Variants in LIPE observed in about 807,000 individuals in gnomAD.
The protein encoded by LIPE is lipase E, hormone sensitive type.
LIPE carries 66 observed loss-of-function variants against 88.5 expected under a neutral mutation model. The ratio of observed to expected loss-of-function variants is 0.75; its 90% CI spans 0.61 to 0.91. LIPE has a LOEUF of 0.91. LIPE is among the 40% of genes least tolerant of loss of function. The probability of loss-of-function intolerance (pLI) is 0.00; values close to 1 mark genes in which losing one functional copy is unlikely to be tolerated. For synonymous variants in LIPE, 570 were observed against 617.5 expected (o/e 0.92, Z 1.14); for missense variants, 1,346 against 1,434.7 (o/e 0.94, Z 1.00).
At chr19:42,420,407 T>A (rs1460556048) in intron 1 of LIPE, among the ~76,000 whole-genome samples, 2 of 152,200 alleles carry the variant, frequency 1.3e-5, no homozygotes, top group African/African-American at 2.4e-5. Flanking sequence ...TTTGTATGCC[T>A]GTGAATGTAT....
At chr19:42,423,529 A>C (rs1600147597) in intron 1 of LIPE, 1 of 1,260,086 alleles carries the variant, frequency 7.9e-7, no homozygotes, top group Non-Finnish European at 1.0e-6. Context: ...TCCCCCGGCC[A>C]ACTCCATCAA....
Position 42,402,847 on chromosome 19 carries a change from G to A in LIPE, c.2727C>T (p.Val909=). Residue 909 remains valine (V), a synonymous_variant, in exon 9 of 10, where the codon GTC becomes GTT. Coordinates refer to ENST00000244289, the MANE Select transcript of LIPE (RefSeq NM_005357.4). ...ETLSPSTPSD[V]NFLLPPEDAG... is the part of the protein sequence containing the mutation. ...CATCCTCAGGTGGTAATAAGAAGTTGACATCGGAGGGTGTGGAGGGGCTAA... is the reference window on the plus strand; with the variant it reads ...CATCCTCAGGTGGTAATAAGAAGTTAACATCGGAGGGTGTGGAGGGGCTAA... 6.2e-7 allele frequency: 1 copy of A among 1,613,816 alleles called. No individual in the cohort carries two copies. The highest frequency in any genetic ancestry group is 8.5e-7 in the Non-Finnish European group (1 of 1,179,868).
chr19:42,409,605 TGCCCTGCACCAAGGCAGAGCTGG>T (rs1267038103), intron 2 of LIPE, among the ~76,000 whole-genome samples: 1 of 152,164 alleles, frequency 6.6e-6, no homozygotes, highest in Non-Finnish European at 1.5e-5. Flanking sequence ...AAGGGGAGAC[TGCCCTGCACCAAGGCAGAGCTGG>T]GCCCTGCCCC....
In LIPE at chr19:42,414,405, T is replaced by G. The variant is rs1354391304; in HGVS notation, c.884-3563A>C. Among the ~76,000 whole-genome samples the G allele has an allele frequency of 6.6e-6, 1 of 152,250 alleles. No individual in the cohort carries two copies. Among genetic ancestry groups the G allele is most frequent in the Non-Finnish European group, 1.5e-5 (1 of 68,048 alleles). ...TGTTTTCCTCATCTGGAAACTGCACTTGGCTGTTCTGCTGGCTCAGGGTGG... is the reference window on the plus strand; with the variant it reads ...TGTTTTCCTCATCTGGAAACTGCACGTGGCTGTTCTGCTGGCTCAGGGTGG... On this transcript the variant is annotated intron_variant, in intron 1 of 9. Transcript: ENST00000244289. The surrounding 1 kb of genome is among the most constrained non-coding windows in gnomAD (Gnocchi z 4.6).
chr19:42,427,128 C>G lies in LIPE; in HGVS notation c.22G>C (p.Val8Leu), dbSNP rs1478429620. ...TCAGGTTGCCAGTCTGACCTAGACACTGACTTAGAACCTGGCTCCATTGTT... is the reference window on the plus strand; with the variant it reads ...TCAGGTTGCCAGTCTGACCTAGACAGTGACTTAGAACCTGGCTCCATTGTT... The part of the protein sequence containing the change: MEPGSKS[V>L]SRSDWQPEPH... Residue 8 changes from valine (V) to leucine (L), a missense_variant, in exon 1 of 10, where the codon GTG (valine) becomes CTG (leucine). Coordinates refer to ENST00000244289, the MANE Select transcript of LIPE (RefSeq NM_005357.4). The G allele has an allele frequency of 2.5e-6, 4 of 1,604,008 alleles. No homozygotes were observed. In the Admixed American group the frequency reaches 7.1e-5, roughly 28 times the overall value.
At position 42,427,236 on chromosome 19, in the gene LIPE, T is replaced by C; in HGVS notation, c.-87A>G. The C allele has an allele frequency of 6.8e-7, 1 of 1,470,882 alleles. No homozygotes were observed. Among genetic ancestry groups the C allele is most frequent in the East Asian group, 2.4e-5 (1 of 41,920 alleles). The allele number at this position is 1,470,882 out of a possible 1,614,324, so 91.1% of individuals were successfully genotyped here. A position where few individuals can be genotyped will look rare whatever the true frequency, so the allele number is the denominator to read the frequency against. On this transcript the variant is annotated 5_prime_UTR_variant, in exon 1 of 10. The change abolishes an upstream ATG in the 5' untranslated region. Coordinates refer to ENST00000244289, the MANE Select transcript of LIPE (RefSeq NM_005357.4). ...GCCCTCTCTCTTCACAGATCTCTCATTGATTCCTCATGATGGCACTTCCTC... is the reference window on the plus strand; with the variant it reads ...GCCCTCTCTCTTCACAGATCTCTCACTGATTCCTCATGATGGCACTTCCTC...
Position 42,406,264 on chromosome 19 carries a change from C to T in LIPE, c.2262G>A (p.Pro754=), listed in dbSNP as rs28657829. Residue 754 remains proline, a synonymous_variant, in exon 7 of 10, where the codon CCG becomes CCA. Coordinates refer to ENST00000244289, the MANE Select transcript of LIPE (RefSeq NM_005357.4). The surrounding 1 kb of genome is among the most constrained non-coding windows in gnomAD (Gnocchi z 5.7). ...RVPDGIMAAY[P]ATMLQPAASP... ...AGGCGGCAGGCTGCAGCATTGTGGCCGGGTAGGCTGCCATGATGCCATCTG... is the reference window on the plus strand; with the variant it reads ...AGGCGGCAGGCTGCAGCATTGTGGCTGGGTAGGCTGCCATGATGCCATCTG... 6,017 of 1,613,794 alleles carry T rather than the reference C, an allele frequency of 3.7e-3. 164 individuals are homozygous for T. The African/African-American group carries it at 0.061, about 16-fold the overall frequency.
intron 1 of LIPE, chr19:42,412,170 C>T: frequency 1.8e-6 from 1 of 568,706 alleles, no homozygotes. Flanking sequence ...ATTCAGGCTG[C>T]CCTGTTTCTT....
intron 1 of LIPE, among the ~76,000 whole-genome samples, chr19:42,418,217 G>A (rs1027841915): frequency 5.3e-5 from 8 of 152,112 alleles, no homozygotes; most frequent in African/African-American, 1.9e-4. Context: ...TCCTGACCTT[G>A]GGTGATTTGC....
chr19:42,422,537 G>A (rs1045360449), intron 1 of LIPE, among the ~76,000 whole-genome samples: 2 of 152,126 alleles, frequency 1.3e-5, no homozygotes, highest in African/African-American at 2.4e-5. Context: ...TGTGTTCTAC[G>A]GCAGGGGAAG....
rs189867588 is a variant in LIPE at position 42,414,443 on chromosome 19, A to G, written c.884-3601T>C. 2.3e-3 allele frequency among the ~76,000 whole-genome samples: 354 copies of G among 152,350 alleles called. 1 individual carries two copies. The highest frequency in any genetic ancestry group is 3.6e-3 in the Non-Finnish European group (247 of 68,036). ...TGGCTCAGGGTGGGAGACATAATTT[A>G]TAAGTGGGGCCATGGCCGGCATGTT... On this transcript the variant is annotated intron_variant, in intron 1 of 9. Coordinates refer to ENST00000244289, the MANE Select transcript of LIPE (RefSeq NM_005357.4). This position sits in a 1 kb window ranked among gnomAD's most constrained non-coding sequence, Gnocchi z 4.6.
chr19:42,415,607 G>A (rs181975789), intron 1 of LIPE, among the ~76,000 whole-genome samples: 3 of 152,050 alleles, frequency 2.0e-5, no homozygotes, highest in African/African-American at 7.2e-5. Flanking sequence ...TCAGGAGATC[G>A]GGACCATCCT....
chr19:42,409,400 C>CAAAA (rs760628566), intron 2 of LIPE, among the ~76,000 whole-genome samples: 19 of 72,884 alleles, frequency 2.6e-4, no homozygotes, highest in African/African-American at 6.1e-4. Flanking sequence ...AAACAAAATA[C>CAAAA]AAAAAAAAAA....
In LIPE at chr19:42,410,973, G is replaced by A; in HGVS notation, c.884-131C>T. ...GTGCTGTCTTCTTTCAGTTCCAGGG[G>A]CCCAGGACCCCAGGTTCCTCCTCCC... On this transcript the variant is annotated intron_variant, in intron 1 of 9. Coordinates refer to ENST00000244289, the MANE Select transcript of LIPE (RefSeq NM_005357.4). This position sits in a 1 kb window ranked among gnomAD's most constrained non-coding sequence, Gnocchi z 6.1. 1 of 899,820 alleles carries A rather than the reference G, an allele frequency of 1.1e-6. No individual in the cohort carries two copies. 55.7% of individuals were successfully genotyped at this position (899,820 alleles called of 1,614,324 possible).
At chr19:42,409,944 G>A (rs916734065) in intron 2 of LIPE, among the ~76,000 whole-genome samples, 1 of 152,118 alleles carries the variant, frequency 6.6e-6, no homozygotes, top group Non-Finnish European at 1.5e-5. Context: ...ATGACTATAG[G>A]GTCACATGGC....
At chr19:42,413,261 G>A (rs1466981403) in intron 1 of LIPE, among the ~76,000 whole-genome samples, 3 of 152,334 alleles carry the variant, frequency 2.0e-5, no homozygotes, top group South Asian at 2.1e-4. Flanking sequence ...ATTTGTTTAC[G>A]TGTTTGTTCA....
Position 42,403,035 on chromosome 19 carries a change from A to G in LIPE, c.2543-4T>C, listed in dbSNP as rs2040039588. 6.5e-7 allele frequency: 1 copy of G among 1,540,554 alleles called. No individual in the cohort carries two copies. Among genetic ancestry groups the G allele is most frequent in the South Asian group, 1.2e-5 (1 of 83,692 alleles). The stretch of plus-strand genomic sequence containing the variant: ...GACACACTGCGGCGCATCGGCTCTG[A>G]GAGAGGGAGAGCAGATAGGCCTGGC... On this transcript the variant is annotated splice_region_variant and splice_polypyrimidine_tract_variant and intron_variant, in intron 8 of 9. Transcript: ENST00000244289.
intron 1 of LIPE, among the ~76,000 whole-genome samples, chr19:42,416,671 A>G (rs1030528025): frequency 1.3e-5 from 2 of 152,182 alleles, no homozygotes; most frequent in Non-Finnish European, 2.9e-5. Flanking sequence ...TACTCTGCCT[A>G]TGCTCTTAAA....
rs780564453 is a variant in LIPE, at chr19:42,410,276, G to C, written c.1419+31C>G. 1.3e-6 allele frequency: 2 copies of C among 1,523,090 alleles called. No individual in the cohort carries two copies. Among genetic ancestry groups the C allele is most frequent in the Non-Finnish European group, 1.8e-6 (2 of 1,130,112 alleles). The allele number at this position is 1,523,090 out of a possible 1,614,324, so 94.3% of individuals were successfully genotyped here. A position where few individuals can be genotyped will look rare whatever the true frequency, so the allele number is the denominator to read the frequency against. ...GGGGCCACCAGGTGCCTTCATTGTGGGCCCAGAGGGGCACGGGGCAGGGGG... is the reference window on the plus strand; with the variant it reads ...GGGGCCACCAGGTGCCTTCATTGTGCGCCCAGAGGGGCACGGGGCAGGGGG... On this transcript the variant is annotated intron_variant, in intron 2 of 9. Coordinates refer to ENST00000244289, the MANE Select transcript of LIPE (RefSeq NM_005357.4). The surrounding 1 kb of genome is among the most constrained non-coding windows in gnomAD (Gnocchi z 6.1).
Sources: allele counts gnomAD v4.1 joint callset (sites outside exome capture counted in the v4.1 genomes callset), GRCh38; gene constraint gnomAD v4.1.1; non-coding constraint Gnocchi (gnomAD v3.1); transcripts MANE v1.5; gene names NCBI Gene and HGNC (gene_info 2026-07-23, HGNC 2026-07-21).